Variants in PLPPR5 observed in about 807,000 individuals in gnomAD.
PLPPR5 encodes phospholipid phosphatase-related protein type 5.
PLPPR5 carries 16 observed loss-of-function variants against 33.9 expected under a neutral mutation model. The observed-to-expected ratio is 0.47, with a 90% CI of 0.32 to 0.72. The LOEUF (loss-of-function observed/expected upper bound fraction) is 0.72. Among genes scored for constraint, PLPPR5 ranks in the 30% least tolerant of loss-of-function variants. The pLI is 0.03. For missense variants in PLPPR5, 301 were observed against 406.7 expected, an observed-to-expected ratio of 0.74 and a Z score of 2.23; for synonymous variants, 163 against 150.3, an observed-to-expected ratio of 1.08 and a Z score of -0.62.
rs769650634 is a variant in PLPPR5 at position 98,914,889 on chromosome 1, C to T, written c.830G>A (p.Arg277Lys). 3.7e-6 allele frequency: 6 copies of T among 1,612,144 alleles called. No homozygotes were observed. The South Asian group carries it at 5.5e-5, about 15-fold the overall frequency. The change falls in exon 5 of 6, where the codon AGA becomes AAA. Residue 277 changes from arginine to lysine, a missense_variant. Transcript: ENST00000263177. Reference sequence around the variant, plus strand: ...GTGTATATGCTCATTTTCTGCTTGTCTCCCTTTGAAATTATTCACCACGCA... The same window carrying T: ...GTGTATATGCTCATTTTCTGCTTGTTTCCCTTTGAAATTATTCACCACGCA... ...VVCVVNNFKG[R>K]QAENEHIHMD...
chr1:98,933,522 A>G (rs1043236025), intron 3 of PLPPR5, among the ~76,000 whole-genome samples: 2 of 152,016 alleles, frequency 1.3e-5, no homozygotes, highest in South Asian at 2.1e-4. Flanking sequence ...TTAAGAATAA[A>G]GGATTATGAA....
intron 3 of PLPPR5, among the ~76,000 whole-genome samples, chr1:98,952,262 C>CACCAAAAAAAAAAA (rs779701945): frequency 8.8e-6 from 1 of 113,078 alleles, no homozygotes; most frequent in Non-Finnish European, 1.9e-5. Flanking sequence ...GACTCCGTCT[C>CACCAAAAAAAAAAA]AGAAAAAAAA....
At chr1:98,967,570 T>G (rs1651494190) in intron 1 of PLPPR5, among the ~76,000 whole-genome samples, 1 of 152,080 alleles carries the variant, frequency 6.6e-6, no homozygotes, top group Non-Finnish European at 1.5e-5. Flanking sequence ...CAGAAAGTTA[T>G]CCAATCTTTT....
intron 1 of PLPPR5, among the ~76,000 whole-genome samples, chr1:98,981,410 A>C (rs1652060027): frequency 2.0e-5 from 3 of 152,008 alleles, no homozygotes; most frequent in African/African-American, 7.2e-5. Context: ...TCTTCAGCCT[A>C]AACAACTTTG....
intron 3 of PLPPR5, among the ~76,000 whole-genome samples, chr1:98,952,262 C>CAA (rs779701945): frequency 0.014 from 1,605 of 112,782 alleles, 50 homozygotes; most frequent in Middle Eastern, 0.019. Context: ...GACTCCGTCT[C>CAA]AGAAAAAAAA....
chr1:98,953,657 T>C (rs1650888053), intron 2 of PLPPR5, among the ~76,000 whole-genome samples: 1 of 152,188 alleles, frequency 6.6e-6, no homozygotes. Flanking sequence ...TGAGAGGGTA[T>C]AGTCTATCAT....
In PLPPR5 at chr1:98,923,002, C is replaced by CAA. The variant is rs199904821; in HGVS notation, c.622-946_622-945dup. 7.3e-5 allele frequency among the ~76,000 whole-genome samples: 11 copies of CAA among 150,680 alleles called. No homozygotes were observed. The South Asian group carries it at 1.3e-3, about 17-fold the overall frequency. On this transcript the variant is annotated intron_variant, in intron 3 of 5. Transcript: ENST00000263177. ...TCTGTCTCAAAAACAACAACAACAA[C>CAA]AAAAAAAAACCATAAGTACGATAAG...
chr1:98,907,724 G>A (rs779402324), intron 5 of PLPPR5, among the ~76,000 whole-genome samples: 5 of 152,138 alleles, frequency 3.3e-5, no homozygotes, highest in Non-Finnish European at 5.9e-5. Flanking sequence ...CTGAGCAGAA[G>A]AGCTGGAGGA....
chr1:98,907,231 T>A (rs1451318923), intron 5 of PLPPR5, among the ~76,000 whole-genome samples: 4 of 144,732 alleles, frequency 2.8e-5, no homozygotes, highest in African/African-American at 1.1e-4. Context: ...TGATGAAGTC[T>A]CACTCTGTTG....
At chr1:98,966,747 A>G (rs1651463557) in intron 1 of PLPPR5, among the ~76,000 whole-genome samples, 1 of 152,198 alleles carries the variant, frequency 6.6e-6, no homozygotes, top group Admixed American at 6.5e-5. Flanking sequence ...TAAAATGCAG[A>G]TACCAGAGGA....
intron 1 of PLPPR5, among the ~76,000 whole-genome samples, chr1:98,969,981 ATT>A (rs1161850712): frequency 6.6e-6 from 1 of 151,948 alleles, no homozygotes; most frequent in African/African-American, 2.4e-5. Context: ...ATTCCTTGCA[ATT>A]TCAAATTCAT....
intron 3 of PLPPR5, among the ~76,000 whole-genome samples, chr1:98,949,164 G>T (rs1363733690): frequency 6.6e-6 from 1 of 151,862 alleles, no homozygotes; most frequent in African/African-American, 2.4e-5. Flanking sequence ...ACATTCTAAT[G>T]TCACTGAACA....
chr1:98,917,907 C>A (rs138331292), intron 4 of PLPPR5, among the ~76,000 whole-genome samples: 1 of 152,284 alleles, frequency 6.6e-6, no homozygotes, highest in Admixed American at 6.5e-5. Context: ...AATGAATGAG[C>A]AAGCATCTAG....
intron 5 of PLPPR5, among the ~76,000 whole-genome samples, chr1:98,912,757 A>C (rs1337384121): frequency 1.3e-5 from 2 of 152,222 alleles, no homozygotes; most frequent in Non-Finnish European, 2.9e-5. Context: ...GATCATGTTT[A>C]AAAATTGCTG....
intron 3 of PLPPR5, among the ~76,000 whole-genome samples, chr1:98,937,506 A>G (rs1650212602): frequency 6.6e-6 from 1 of 152,136 alleles, no homozygotes; most frequent in South Asian, 2.1e-4. Context: ...TGGTGCTTGG[A>G]GTTCTGTAGG....
In PLPPR5 at chr1:98,976,693, A is replaced by C. The variant is rs137944641; in HGVS notation, c.238-19952T>G. On this transcript the variant is annotated intron_variant, in intron 1 of 5. Transcript: ENST00000263177. ...TAGATTTCGAAGACTTAGTACAAAA[A>C]CGATAACTTATTAATAAAAATAAAA... 3.2e-4 allele frequency among the ~76,000 whole-genome samples: 48 copies of C among 152,154 alleles called. No homozygotes were observed. The East Asian group carries it at 8.9e-3, about 28-fold the overall frequency.
At chr1:98,926,447 AGTGTGTGT>A (rs60874366) in intron 3 of PLPPR5, among the ~76,000 whole-genome samples, 8,411 of 132,662 alleles carry the variant, frequency 0.063, 415 homozygotes, top group African/African-American at 0.15. Context: ...AGGTTTGATT[AGTGTGTGT>A]GTGTGTGTGT....
At chr1:98,981,862 AC>A (rs1652073488) in intron 1 of PLPPR5, among the ~76,000 whole-genome samples, 1 of 152,114 alleles carries the variant, frequency 6.6e-6, no homozygotes, top group South Asian at 2.1e-4. Context: ...GTATCTATAA[AC>A]AACAAAATCC....
chr1:98,932,350 A>T (rs1650007560), intron 3 of PLPPR5, among the ~76,000 whole-genome samples: 2 of 152,168 alleles, frequency 1.3e-5, no homozygotes, highest in African/African-American at 4.8e-5. Flanking sequence ...TTAAAACACC[A>T]TCTAGGCCTC....
Sources: allele counts gnomAD v4.1 joint callset (sites outside exome capture counted in the v4.1 genomes callset), GRCh38; gene constraint gnomAD v4.1.1; transcripts MANE v1.5; gene names NCBI Gene and HGNC (gene_info 2026-07-23, HGNC 2026-07-21).